Variants in ANXA8 observed in about 807,000 individuals in gnomAD.
ANXA8 encodes annexin A8.
In ANXA8, 9 loss-of-function variants were observed where a neutral mutation model predicts 26.8. The observed-to-expected ratio is 0.34, with a 90% CI of 0.20 to 0.59. The LOEUF (loss-of-function observed/expected upper bound fraction) is 0.59, where lower values mean the gene tolerates loss of function less well. Among genes scored for constraint, ANXA8 ranks in the 20% least tolerant of loss-of-function variants. The pLI, the probability that ANXA8 is intolerant of heterozygous loss-of-function variation, is 0.84. For missense variants in ANXA8, 83 were observed against 238.5 expected, an observed-to-expected ratio of 0.35 and a Z score of 4.29; for synonymous variants, 39 against 94.8, an observed-to-expected ratio of 0.41 and a Z score of 3.42.
At chr10:47,976,572 C>CAA in the ANXA8 span, among the ~76,000 whole-genome samples, 6 of 145,810 alleles carry the variant, frequency 4.1e-5, no homozygotes, top group East Asian at 2.1e-4. Flanking sequence ...CACACACACA[C>CAA]AATTAACATT....
the ANXA8 span, among the ~76,000 whole-genome samples, chr10:47,571,101 C>T: frequency 7.4e-6 from 1 of 135,788 alleles, no homozygotes; most frequent in East Asian, 2.1e-4. Context: ...TCATAATTTT[C>T]AAAAGGTCTT....
the ANXA8 span, among the ~76,000 whole-genome samples, chr10:47,928,989 G>C: frequency 1.2e-4 from 13 of 108,868 alleles, no homozygotes; most frequent in Non-Finnish European, 2.0e-4. Flanking sequence ...TGTCCAGGCT[G>C]GTTTTCCTTT....
chr10:47,590,834 C>T, the ANXA8 span, among the ~76,000 whole-genome samples: 3 of 130,090 alleles, frequency 2.3e-5, no homozygotes, highest in South Asian at 2.4e-4. Flanking sequence ...TTATCCCTTT[C>T]GTTACCTTCA....
At chr10:47,565,098 G>C in the ANXA8 span, 1 of 756,922 alleles carries the variant, frequency 1.3e-6, no homozygotes, top group Non-Finnish European at 2.4e-6. Flanking sequence ...AAGGACCAGC[G>C]CCCGTCCATC....
the ANXA8 span, among the ~76,000 whole-genome samples, chr10:47,768,217 T>C: frequency 6.6e-6 from 1 of 151,506 alleles, no homozygotes; most frequent in Non-Finnish European, 1.5e-5. Context: ...ATTAATTTAC[T>C]GCTCAGCCTC....
the ANXA8 span, among the ~76,000 whole-genome samples, chr10:47,656,966 G>C: frequency 6.6e-6 from 1 of 150,574 alleles, no homozygotes; most frequent in East Asian, 1.9e-4. Flanking sequence ...GGTGACTACA[G>C]TCTTTTAAAC....
chr10:47,663,954 AT>A, the ANXA8 span, among the ~76,000 whole-genome samples: 26 of 148,398 alleles, frequency 1.8e-4, no homozygotes, highest in East Asian at 2.3e-3. Context: ...AAGGGATCAA[AT>A]TTTTTTTTAG....
chr10:47,493,338 G>A, the ANXA8 span, among the ~76,000 whole-genome samples: 2 of 148,592 alleles, frequency 1.3e-5, no homozygotes, highest in African/African-American at 2.6e-5. Flanking sequence ...CTTTGCCCAG[G>A]GCATTGGGCT....
At chr10:47,735,310 G>C in the ANXA8 span, among the ~76,000 whole-genome samples, 4 of 145,102 alleles carry the variant, frequency 2.8e-5, no homozygotes, top group African/African-American at 1.0e-4. Context: ...GCCCAGGCTG[G>C]TCTTGAGCTC....
chr10:47,957,965 C>A, the ANXA8 span, among the ~76,000 whole-genome samples: 1 of 150,632 alleles, frequency 6.6e-6, no homozygotes, highest in African/African-American at 2.5e-5. Flanking sequence ...GATGAACTTA[C>A]CCGAAGATCC....
the ANXA8 span, chr10:47,564,906 A>AG: frequency 6.1e-6 from 9 of 1,486,802 alleles, no homozygotes; most frequent in Non-Finnish European, 8.4e-6. Flanking sequence ...ATCAACGACA[A>AG]CTACTGTGAA....
At chr10:47,979,419 A>G in the ANXA8 span, among the ~76,000 whole-genome samples, 3 of 151,410 alleles carry the variant, frequency 2.0e-5, no homozygotes, top group Non-Finnish European at 4.4e-5. Flanking sequence ...TCATGAGAAG[A>G]ATAGTGGCCC....
the ANXA8 span, among the ~76,000 whole-genome samples, chr10:47,976,117 AC>A: frequency 6.8e-6 from 1 of 147,228 alleles, no homozygotes; most frequent in African/African-American, 2.5e-5. Context: ...CAAGACAACA[AC>A]AAAAATAAAA....
At chr10:47,733,147 TTCTTTCTTTCTTTC>T in the ANXA8 span, among the ~76,000 whole-genome samples, 4 of 51,672 alleles carry the variant, frequency 7.7e-5, no homozygotes, top group Non-Finnish European at 1.7e-4. Context: ...TCCCTAATCT[TTCTTTCTTTCTTTC>T]TTTCTTTCTT....
chr10:47,487,291 T>G (rs1840065202), upstream of ANXA8: 3 of 1,079,608 alleles, frequency 2.8e-6, no homozygotes, highest in African/African-American at 4.9e-5. Flanking sequence ...TCCAAGTTTG[T>G]CCAGACTTTC....
chr10:47,991,648 G>A, the ANXA8 span: 1 of 1,611,198 alleles, frequency 6.2e-7, no homozygotes, highest in African/African-American at 1.3e-5. Flanking sequence ...ACACCATGCA[G>A]GAACCCAAAT....
the ANXA8 span, among the ~76,000 whole-genome samples, chr10:47,982,801 CATATATAT>C: frequency 2.3e-3 from 30 of 12,944 alleles, 1 homozygote; most frequent in Admixed American, 6.9e-3. Context: ...ATTTGCAAAT[CATATATAT>C]ATATATATAT....
At chr10:47,483,843 C>G (rs1839948779) in intron 1 of ANXA8, 70 bp downstream of exon 1, 1 of 1,611,342 alleles carries the variant, frequency 6.2e-7, no homozygotes, top group African/African-American at 1.3e-5. Flanking sequence ...CTTTACATTT[C>G]TCAGGACTCC....
At position 47,474,963 on chromosome 10, in the gene ANXA8, C is replaced by T; in HGVS notation, c.534G>A (p.Leu178=). 1 of 1,529,180 alleles carries T rather than the reference C, an allele frequency of 6.5e-7. No homozygotes were observed. The highest frequency in any genetic ancestry group is 8.8e-7 in the Non-Finnish European group (1 of 1,131,212). The allele number at this position is 1,529,180 out of a possible 1,614,324, so 94.7% of individuals were successfully genotyped here. A position where few individuals can be genotyped will look rare whatever the true frequency, so the allele number is the denominator to read the frequency against. The change falls in exon 7 of 12, where the codon CTG becomes CTA. Residue 178 remains leucine (L), a synonymous_variant. Transcript: ENST00000585281. ...DDVSSFVDPG[L]ALQDAQDLYA... is the part of the protein sequence containing the mutation. ...GCCTCACCTGTGCGTCTTGGAGGGC[C>T]AGTCCTGGGTCCACAAAGCTGCTCA...
Sources: allele counts gnomAD v4.1 joint callset (sites outside exome capture counted in the v4.1 genomes callset), GRCh38; gene constraint gnomAD v4.1.1; transcripts MANE v1.5; gene names NCBI Gene and HGNC (gene_info 2026-07-23, HGNC 2026-07-21).